Variants in DOCK6 observed in about 807,000 individuals in gnomAD.
DOCK6 encodes the protein dedicator of cytokinesis 6, also known as dedicator of cytokinesis protein 6.
DOCK6 carries 167 observed loss-of-function variants against 230.3 expected under a neutral mutation model. The ratio of observed to expected loss-of-function variants is 0.73; its 90% CI spans 0.64 to 0.82. The LOEUF (loss-of-function observed/expected upper bound fraction) is 0.82, where lower values mean the gene tolerates loss of function less well. Among genes scored for constraint, DOCK6 ranks in the 40% least tolerant of loss-of-function variants. The probability of loss-of-function intolerance (pLI) is 0.00; values close to 1 mark genes in which losing one functional copy is unlikely to be tolerated. For synonymous variants in DOCK6, 1,148 were observed against 1,185.0 expected (o/e 0.97, Z 0.64); for missense variants, 2,598 against 2,825.8 (o/e 0.92, Z 1.83).
Position 11,201,849 on chromosome 19 carries a change from T to G in DOCK6, c.5688+40A>C. On this transcript the variant is annotated intron_variant, in intron 44 of 47. Coordinates refer to ENST00000294618, the MANE Select transcript of DOCK6 (RefSeq NM_020812.4). The surrounding 1 kb of genome is among the most constrained non-coding windows in gnomAD (Gnocchi z 4.3). Reference sequence around the variant, plus strand: ...TCCCCTCCCAGGGTCTGATGTCCCCTCACCTCCCCACCCCCGCCAGGCCCA... The same window carrying G: ...TCCCCTCCCAGGGTCTGATGTCCCCGCACCTCCCCACCCCCGCCAGGCCCA... 1.9e-5 allele frequency: 14 copies of G among 733,360 alleles called. No individual in the cohort carries two copies. The highest frequency in any genetic ancestry group is 2.6e-5 in the Non-Finnish European group (13 of 490,606). 45.4% of individuals were successfully genotyped at this position (733,360 alleles called of 1,614,324 possible). A position where few individuals can be genotyped will look rare whatever the true frequency, so the allele number is the denominator to read the frequency against.
At chr19:11,241,560 C>G (rs1220676219) in intron 14 of DOCK6, 1 of 1,553,788 alleles carries the variant, frequency 6.4e-7, no homozygotes, top group African/African-American at 1.4e-5. Context: ...GAGAGGTGAG[C>G]CTGGCAGGGG....
chr19:11,202,628 C>A lies in DOCK6; in HGVS notation c.5317G>T (p.Glu1773Ter), dbSNP rs949813642. 2 of 1,614,026 alleles carry A rather than the reference C, an allele frequency of 1.2e-6. No homozygotes were observed. The highest frequency in any genetic ancestry group is 8.5e-7 in the Non-Finnish European group (1 of 1,179,902). The change falls in exon 42 of 48, where the codon GAG becomes TAG. Residue 1773 changes from glutamate (E) to a stop codon, truncating the protein, a stop_gained. Coordinates refer to ENST00000294618, the MANE Select transcript of DOCK6 (RefSeq NM_020812.4). LOFTEE classifies it high-confidence loss of function. The surrounding 1 kb of genome is among the most constrained non-coding windows in gnomAD (Gnocchi z 5.3). ...DLDEQEFVYKEPSITKLAEIS... is the reference protein window; with the variant it reads ...DLDEQEFVYK ...TCTGCCAGCTTCGTGATCGATGGCT[C>A]CTTGTACACAAACTCCTGCTCATCC...
intron 1 of DOCK6, among the ~76,000 whole-genome samples, chr19:11,260,645 T>C (rs927917916): frequency 2.8e-4 from 41 of 149,058 alleles, no homozygotes; most frequent in Non-Finnish European, 1.0e-4. Context: ...TCCCAGCACT[T>C]TGGGAGGTGG....
At chr19:11,261,847 C>CG (rs1041270363) in intron 1 of DOCK6, among the ~76,000 whole-genome samples, 3 of 149,312 alleles carry the variant, frequency 2.0e-5, no homozygotes, top group Admixed American at 2.0e-4. Context: ...CCCCTTCCCC[C>CG]CCCCCGACAG....
At chr19:11,245,090 G>A (rs77820837) in intron 9 of DOCK6, among the ~76,000 whole-genome samples, 138 of 152,314 alleles carry the variant, frequency 9.1e-4, no homozygotes, top group African/African-American at 3.2e-3. Context: ...CCTGTGGTGA[G>A]GACTGAAGGA....
rs1001771535 is a variant in DOCK6 at position 11,204,060 on chromosome 19, T to G, written c.5235+21A>C. The G allele has an allele frequency of 2.6e-6, 4 of 1,549,276 alleles. No homozygotes were observed. In the East Asian group the frequency reaches 9.8e-5, roughly 38 times the overall value. On this transcript the variant is annotated intron_variant, in intron 41 of 47. Coordinates refer to ENST00000294618, the MANE Select transcript of DOCK6 (RefSeq NM_020812.4). The stretch of plus-strand genomic sequence containing the variant: ...CACGGGGGTCCCAGAGGCAGGTGGC[T>G]GTCCACCAAGGCTGACTCACCTCCC...
At chr19:11,226,794 G>C (rs1183901377) in intron 24 of DOCK6, among the ~76,000 whole-genome samples, 2 of 152,172 alleles carry the variant, frequency 1.3e-5, no homozygotes, top group Non-Finnish European at 2.9e-5. Context: ...CATTGGAATT[G>C]GTAATCCAGG....
rs1258903830 is a variant in DOCK6, at chr19:11,238,297, G to A, written c.1651C>T (p.Leu551=). ...YAPHTSYRNL[L]YVYPHSLNFS... is the part of the protein sequence containing the mutation. ...TTGAGGCTGTGCGGGTACACGTACAGCAGGTTCCTGTGGGGGGCAGGATGG... is the reference window on the plus strand; with the variant it reads ...TTGAGGCTGTGCGGGTACACGTACAACAGGTTCCTGTGGGGGGCAGGATGG... The change falls in exon 15 of 48, where the codon CTG becomes TTG. Residue 551 remains leucine (L), a synonymous_variant. Transcript: ENST00000294618. The A allele has an allele frequency of 1.9e-6, 3 of 1,606,670 alleles. No individual in the cohort carries two copies. Among genetic ancestry groups the A allele is most frequent in the South Asian group, 1.1e-5 (1 of 90,578 alleles).
Position 11,252,502 on chromosome 19 carries a change from G to A in DOCK6, c.357C>T (p.Asp119=). The A allele has an allele frequency of 6.2e-7, 1 of 1,613,866 alleles. No homozygotes were observed. Among genetic ancestry groups the A allele is most frequent in the Non-Finnish European group, 8.5e-7 (1 of 1,179,888 alleles). ...VRAAVEMYIE[D]WVIVHRRYQY... ...CTCACCTTCTGTGGACAATGACCCA[G>A]TCCTCAATATACATCTCCACCGCGG... The change falls in exon 4 of 48, where the codon GAC becomes GAT. Residue 119 remains aspartate (D), a synonymous_variant. Transcript: ENST00000294618.
chr19:11,202,310 G>C lies in DOCK6; in HGVS notation c.5451+84C>G, dbSNP rs1359317394. 1 of 1,511,430 alleles carries C rather than the reference G, an allele frequency of 6.6e-7. No homozygotes were observed. The highest frequency in any genetic ancestry group is 9.0e-7 in the Non-Finnish European group (1 of 1,110,338). 93.6% of individuals were successfully genotyped at this position (1,511,430 alleles called of 1,614,324 possible). ...GAAATATGATTTGGGGTTTCCCAGA[G>C]AAAGAGGATTTGAGGGTCCCCAGGA... On this transcript the variant is annotated intron_variant, in intron 43 of 47. Coordinates refer to ENST00000294618, the MANE Select transcript of DOCK6 (RefSeq NM_020812.4). The surrounding 1 kb of genome is among the most constrained non-coding windows in gnomAD (Gnocchi z 5.3).
At chr19:11,242,605 T>C (rs1273852418) in intron 13 of DOCK6, among the ~76,000 whole-genome samples, 1 of 152,030 alleles carries the variant, frequency 6.6e-6, no homozygotes, top group Non-Finnish European at 1.5e-5. Flanking sequence ...TTGGCCAGGC[T>C]GGTCTCAAAC....
intron 9 of DOCK6, among the ~76,000 whole-genome samples, chr19:11,245,245 T>C (rs1251728913): frequency 6.6e-6 from 1 of 152,190 alleles, no homozygotes; most frequent in East Asian, 1.9e-4. Context: ...GTGCCAACTA[T>C]GTCTTTCATC....
At chr19:11,214,468 G>T (rs1468847458) in intron 33 of DOCK6, 59 bp from the exon 34 acceptor site, 4 of 1,613,476 alleles carry the variant, frequency 2.5e-6, no homozygotes, top group Non-Finnish European at 3.4e-6. Context: ...ATGGGGAAAG[G>T]GAAGGAGAGG....
chr19:11,241,522 ACAG>A, intron 14 of DOCK6: 1 of 1,552,828 alleles, frequency 6.4e-7, no homozygotes, highest in Middle Eastern at 1.7e-4. Flanking sequence ...AGATGGTGGC[ACAG>A]CAGCATCGGC....
chr19:11,247,116 GTTTC>G (rs1252707583), intron 7 of DOCK6: 1 of 152,230 alleles, frequency 6.6e-6, no homozygotes, highest in Non-Finnish European at 1.5e-5. Context: ...TTTTATTTTT[GTTTC>G]TTTGTTTGTT....
At chr19:11,231,136 G>C (rs2079759614) in intron 22 of DOCK6, among the ~76,000 whole-genome samples, 1 of 152,168 alleles carries the variant, frequency 6.6e-6, no homozygotes, top group Non-Finnish European at 1.5e-5. Flanking sequence ...CTGTCATAGG[G>C]TACAGGTTAC....
At chr19:11,255,287 G>A (rs890008083) in intron 1 of DOCK6, among the ~76,000 whole-genome samples, 12 of 147,792 alleles carry the variant, frequency 8.1e-5, no homozygotes, top group African/African-American at 3.0e-4. Flanking sequence ...TTACAGGCAT[G>A]AGCCACCGCT....
At chr19:11,209,365 C>T (rs190267050) in intron 37 of DOCK6, among the ~76,000 whole-genome samples, 2 of 151,988 alleles carry the variant, frequency 1.3e-5, no homozygotes, top group East Asian at 1.9e-4. Context: ...GCCTACCTTA[C>T]GTATTCCTGT....
In DOCK6 at chr19:11,218,381, G is replaced by T. The variant is rs180677874; in HGVS notation, c.3551-990C>A. ...AGACTGGTTTCAAACTCCTGACCTC[G>T]AATGATCTGCCCGCCTCGGCCTCCC... On this transcript the variant is annotated intron_variant, in intron 28 of 47. Coordinates refer to ENST00000294618, the MANE Select transcript of DOCK6 (RefSeq NM_020812.4). Among the ~76,000 whole-genome samples the T allele has an allele frequency of 4.6e-3, 699 of 152,160 alleles. 3 individuals are homozygous for T. Among genetic ancestry groups the T allele is most frequent in the African/African-American group, 0.016 (648 of 41,516 alleles).
Sources: allele counts gnomAD v4.1 joint callset (sites outside exome capture counted in the v4.1 genomes callset), GRCh38; gene constraint gnomAD v4.1.1; non-coding constraint Gnocchi (gnomAD v3.1); transcripts MANE v1.5; gene names NCBI Gene and HGNC (gene_info 2026-07-23, HGNC 2026-07-21).